Variants in SLC44A5 observed in about 807,000 individuals in gnomAD.
SLC44A5 encodes the protein solute carrier family 44 member 5.
In SLC44A5, 57 loss-of-function variants were observed where a neutral mutation model predicts 101.8. The observed-to-expected ratio is 0.56, with a 90% CI of 0.45 to 0.70. The LOEUF (loss-of-function observed/expected upper bound fraction) is 0.70, where lower values mean the gene tolerates loss of function less well. Ranked by LOEUF, SLC44A5 falls within the 30% of genes least tolerant of loss-of-function variation. The probability of loss-of-function intolerance (pLI) is 0.00; values close to 1 mark genes in which losing one functional copy is unlikely to be tolerated. For missense variants in SLC44A5, 737 were observed against 853.1 expected, an observed-to-expected ratio of 0.86 and a Z score of 1.70; for synonymous variants, 281 against 290.9, an observed-to-expected ratio of 0.97 and a Z score of 0.35.
At chr1:75,305,005 G>T (rs937721254) in intron 4 of SLC44A5, among the ~76,000 whole-genome samples, 1 of 152,174 alleles carries the variant, frequency 6.6e-6, no homozygotes, top group Admixed American at 6.5e-5. Context: ...TGGCATAAAA[G>T]TGTTTTCAAA....
At chr1:75,415,899 G>T (rs965278506) in intron 2 of SLC44A5, among the ~76,000 whole-genome samples, 1 of 152,174 alleles carries the variant, frequency 6.6e-6, no homozygotes, top group Non-Finnish European at 1.5e-5. Context: ...TTATAAGCAG[G>T]AAAGTATTCA....
intron 16 of SLC44A5, 42 bp downstream of exon 16, chr1:75,219,215 T>G: frequency 7.7e-7 from 1 of 1,296,758 alleles, no homozygotes; most frequent in Non-Finnish European, 1.1e-6. Flanking sequence ...GCAGCAGAAG[T>G]CTATATTGAA....
chr1:75,618,375 C>T, the SLC44A5 span, among the ~76,000 whole-genome samples: 4 of 152,196 alleles, frequency 2.6e-5, no homozygotes, highest in Admixed American at 6.5e-5. Flanking sequence ...GACCAAAAGA[C>T]ATTAAGGCCA....
At chr1:75,392,768 G>C (rs1488727902) in intron 3 of SLC44A5, among the ~76,000 whole-genome samples, 1 of 152,166 alleles carries the variant, frequency 6.6e-6, no homozygotes, top group African/African-American at 2.4e-5. Context: ...CCCATCAACA[G>C]TGGAATGGAT....
chr1:75,535,149 A>G (rs997341991), intron 2 of SLC44A5, among the ~76,000 whole-genome samples: 10 of 151,968 alleles, frequency 6.6e-5, no homozygotes, highest in African/African-American at 2.4e-4. Context: ...TACCTAAGGA[A>G]ACCAGGATAA....
intron 5 of SLC44A5, among the ~76,000 whole-genome samples, chr1:75,298,602 A>C (rs1251310889): frequency 1.3e-5 from 2 of 152,092 alleles, no homozygotes; most frequent in Non-Finnish European, 2.9e-5. Flanking sequence ...TCTGTGGACT[A>C]CATTAGACTG....
chr1:75,648,866 A>AT, the SLC44A5 span, among the ~76,000 whole-genome samples: 1 of 152,174 alleles, frequency 6.6e-6, no homozygotes, highest in African/African-American at 2.4e-5. Context: ...AGTGCCTATG[A>AT]TTTTGTCTCA....
the SLC44A5 span, among the ~76,000 whole-genome samples, chr1:75,661,241 G>A: frequency 6.6e-6 from 1 of 151,946 alleles, no homozygotes; most frequent in African/African-American, 2.4e-5. Context: ...CTGGGAAAAT[G>A]AGAGTCTCTT....
At chr1:75,483,722 CTG>C (rs930031315) in intron 2 of SLC44A5, among the ~76,000 whole-genome samples, 2 of 152,134 alleles carry the variant, frequency 1.3e-5, no homozygotes, top group African/African-American at 4.8e-5. Context: ...AAGAAATTTT[CTG>C]TGTTAGTCCA....
At chr1:75,415,704 G>A (rs1663597454) in intron 2 of SLC44A5, among the ~76,000 whole-genome samples, 4 of 152,170 alleles carry the variant, frequency 2.6e-5, no homozygotes, top group Admixed American at 2.6e-4. Context: ...TGCTGATAGT[G>A]ATATGAACAA....
upstream of SLC44A5, chr1:75,611,171 A>T (rs1570743121): frequency 1.2e-6 from 1 of 859,304 alleles, no homozygotes; most frequent in African/African-American, 1.8e-5. Flanking sequence ...TAAGGGCCAT[A>T]CCCCATTCTT....
intron 3 of SLC44A5, among the ~76,000 whole-genome samples, chr1:75,369,011 CTCACAT>C (rs1191650692): frequency 2.7e-5 from 3 of 111,438 alleles, no homozygotes; most frequent in African/African-American, 1.2e-4. Flanking sequence ...TTCTCTCTTT[CTCACAT>C]TTTTTTTTTT....
intron 1 of SLC44A5, among the ~76,000 whole-genome samples, chr1:75,575,991 C>T (rs1673338189): frequency 6.6e-6 from 1 of 151,890 alleles, no homozygotes; most frequent in Non-Finnish European, 1.5e-5. Flanking sequence ...ACAAACAGCA[C>T]CAGAAATGTA....
intron 1 of SLC44A5, among the ~76,000 whole-genome samples, chr1:75,577,473 G>A (rs1292192377): frequency 6.6e-6 from 1 of 152,060 alleles, no homozygotes; most frequent in African/African-American, 2.4e-5. Flanking sequence ...CTCTTTCTGG[G>A]CCTTTCTTCT....
At chr1:75,453,799 A>G (rs995609032) in intron 2 of SLC44A5, among the ~76,000 whole-genome samples, 1 of 152,190 alleles carries the variant, frequency 6.6e-6, no homozygotes, top group Non-Finnish European at 1.5e-5. Context: ...GAAAATCTAG[A>G]GGAAATGTAT....
chr1:75,229,271 G>A (rs1647347523), intron 12 of SLC44A5, among the ~76,000 whole-genome samples: 1 of 151,978 alleles, frequency 6.6e-6, no homozygotes, highest in African/African-American at 2.4e-5. Context: ...ACAGGGACTA[G>A]GGCAATCATT....
At chr1:75,413,923 G>A (rs893516165) in intron 2 of SLC44A5, among the ~76,000 whole-genome samples, 1 of 152,180 alleles carries the variant, frequency 6.6e-6, no homozygotes, top group African/African-American at 2.4e-5. Context: ...GGCCAGTCTT[G>A]CTTTTCTTCC....
In SLC44A5 at chr1:75,217,875, G is replaced by A. The variant is rs778887835; in HGVS notation, c.1615C>T (p.Arg539Cys). The A allele has an allele frequency of 3.9e-5, 61 of 1,580,658 alleles. No individual in the cohort carries two copies. The highest frequency in any genetic ancestry group is 2.3e-4 in the South Asian group (21 of 90,240). ...FKIVLEYLDHRLKRTQNTLSK... is the reference protein window; with the variant it reads ...FKIVLEYLDHCLKRTQNTLSK... ...ACATCTGAAATCTTACGTTTAAGAC[G>A]GTGGTCCAAGTATTCTAGTACAATT... Residue 539 changes from arginine (R) to cysteine (C), a missense_variant, in exon 18 of 24, where the codon CGT (arginine) becomes TGT (cysteine). By Grantham distance (180) the Arg-to-Cys change is radical (BLOSUM62 -3). Around this residue, in one of 3 missense-constraint regions of SLC44A5, gnomAD observed 665 missense variants for 764.4 expected, o/e 0.87. Transcript: ENST00000370859.
chr1:75,622,091 C>T, the SLC44A5 span, among the ~76,000 whole-genome samples: 1 of 152,246 alleles, frequency 6.6e-6, no homozygotes, highest in East Asian at 1.9e-4. Flanking sequence ...AATCTCTTTA[C>T]TCCATTCTGA....
Sources: allele counts gnomAD v4.1 joint callset (sites outside exome capture counted in the v4.1 genomes callset), GRCh38; gene constraint gnomAD v4.1.1; regional missense constraint gnomAD v4.1.1; transcripts MANE v1.5; gene names NCBI Gene and HGNC (gene_info 2026-07-23, HGNC 2026-07-21).